Variants in SPAG16 observed in about 807,000 individuals in gnomAD.
SPAG16 encodes the protein sperm-associated antigen 16 protein.
SPAG16 carries 86 observed loss-of-function variants against 80.4 expected under a neutral mutation model. The ratio of observed to expected loss-of-function variants is 1.07; its 90% CI spans 0.90 to 1.28. SPAG16 has a LOEUF of 1.28. SPAG16 is among the 50% of genes most tolerant of loss of function. SPAG16 has a pLI of 0.00. For synonymous variants in SPAG16, 294 were observed against 265.9 expected (o/e 1.11, Z -1.03); for missense variants, 870 against 765.3 (o/e 1.14, Z -1.61).
chr2:214,186,772 T>C (rs190977790), intron 15 of SPAG16, among the ~76,000 whole-genome samples: 63 of 152,228 alleles, frequency 4.1e-4, no homozygotes, highest in Middle Eastern at 3.4e-3. Context: ...TTTTTGTTTT[T>C]TTTTTGAAAT....
At chr2:213,460,196 T>C (rs2072280988) in intron 9 of SPAG16, among the ~76,000 whole-genome samples, 1 of 152,210 alleles carries the variant, frequency 6.6e-6, no homozygotes, top group Non-Finnish European at 1.5e-5. Context: ...CCATACTCTG[T>C]CTGTAAAGAT....
intron 10 of SPAG16, among the ~76,000 whole-genome samples, chr2:213,610,449 A>C (rs1454146586): frequency 6.6e-6 from 1 of 152,196 alleles, no homozygotes; most frequent in Non-Finnish European, 1.5e-5. Context: ...TTTCGTCTAC[A>C]TAACCAGACC....
intron 15 of SPAG16, among the ~76,000 whole-genome samples, chr2:214,207,894 T>C (rs979702054): frequency 1.3e-5 from 2 of 152,244 alleles, no homozygotes; most frequent in African/African-American, 4.8e-5. Context: ...CTCTAGGTTC[T>C]TCAACCTTTA....
At chr2:214,089,498 C>A (rs1576141571) in intron 13 of SPAG16, among the ~76,000 whole-genome samples, 1 of 151,972 alleles carries the variant, frequency 6.6e-6, no homozygotes, top group East Asian at 1.9e-4. Context: ...CAGGTTTTCA[C>A]AATACATGCT....
chr2:214,002,399 T>C (rs1024528833), intron 12 of SPAG16, among the ~76,000 whole-genome samples: 1 of 152,228 alleles, frequency 6.6e-6, no homozygotes, highest in Middle Eastern at 3.4e-3. Context: ...ATGGATAAAA[T>C]GATTAGATAA....
At chr2:214,298,643 G>C (rs1020881530) in intron 15 of SPAG16, among the ~76,000 whole-genome samples, 23 of 152,134 alleles carry the variant, frequency 1.5e-4, no homozygotes, top group Admixed American at 1.5e-3. Flanking sequence ...CAAGAAAATG[G>C]GCTGAAGGGT....
chr2:213,815,159 A>G (rs1001009925), intron 10 of SPAG16, among the ~76,000 whole-genome samples: 5 of 152,212 alleles, frequency 3.3e-5, no homozygotes, highest in African/African-American at 1.2e-4. Flanking sequence ...AAAAGATTGA[A>G]ACAACTGAAA....
intron 10 of SPAG16, among the ~76,000 whole-genome samples, chr2:213,777,561 A>G (rs932430638): frequency 1.3e-5 from 2 of 151,884 alleles, no homozygotes; most frequent in African/African-American, 4.8e-5. Context: ...GCCCGCCTCC[A>G]CGCCTGGCTA....
At chr2:213,795,402 C>A (rs2070961544) in intron 10 of SPAG16, among the ~76,000 whole-genome samples, 1 of 152,094 alleles carries the variant, frequency 6.6e-6, no homozygotes, top group Non-Finnish European at 1.5e-5. Context: ...TTATGTCTTC[C>A]CATCAGTGGC....
chr2:213,766,253 G>A (rs1344499959), intron 10 of SPAG16, among the ~76,000 whole-genome samples: 1 of 152,166 alleles, frequency 6.6e-6, no homozygotes, highest in African/African-American at 2.4e-5. Flanking sequence ...CAGGAGAAAG[G>A]GAGTGACTGT....
intron 12 of SPAG16, among the ~76,000 whole-genome samples, chr2:213,941,577 G>T (rs1340112540): frequency 6.6e-6 from 1 of 152,028 alleles, no homozygotes; most frequent in Non-Finnish European, 1.5e-5. Flanking sequence ...AATGAGCTTG[G>T]AACATACTGG....
chr2:214,141,288 GA>G (rs1395407078), intron 14 of SPAG16, among the ~76,000 whole-genome samples: 1 of 151,918 alleles, frequency 6.6e-6, no homozygotes, highest in Non-Finnish European at 1.5e-5. Flanking sequence ...CCAACATGGT[GA>G]AACTCCGTCT....
chr2:213,868,436 G>A (rs1358364342), intron 11 of SPAG16, among the ~76,000 whole-genome samples: 1 of 151,532 alleles, frequency 6.6e-6, no homozygotes, highest in East Asian at 1.9e-4. Flanking sequence ...ACCAGCTTTG[G>A]GCAACAAAAA....
At chr2:213,623,559 G>A (rs182156426) in intron 10 of SPAG16, among the ~76,000 whole-genome samples, 5 of 151,898 alleles carry the variant, frequency 3.3e-5, no homozygotes, top group African/African-American at 1.2e-4. Context: ...CTTTCTACCT[G>A]GCATTTAAAC....
At chr2:213,686,674 CTTTTTTTTTTTTTT>C (rs748200040) in intron 10 of SPAG16, among the ~76,000 whole-genome samples, 2 of 86,106 alleles carry the variant, frequency 2.3e-5, no homozygotes, top group Non-Finnish European at 4.9e-5. Context: ...ATTAATCCAC[CTTTTTTTTTTTTTT>C]TTTTTTTTTT....
intron 15 of SPAG16, among the ~76,000 whole-genome samples, chr2:214,404,492 A>C (rs1488498637): frequency 6.6e-6 from 1 of 152,208 alleles, no homozygotes; most frequent in African/African-American, 2.4e-5. Context: ...GATGAGGATA[A>C]CATTACTGAA....
chr2:213,989,923 G>A (rs1029264981), intron 12 of SPAG16, among the ~76,000 whole-genome samples: 2 of 151,956 alleles, frequency 1.3e-5, no homozygotes, highest in Admixed American at 6.6e-5. Flanking sequence ...AGTATATAGT[G>A]TTCATATTGC....
chr2:214,309,791 G>A (rs1192902015), intron 15 of SPAG16, among the ~76,000 whole-genome samples: 1 of 152,138 alleles, frequency 6.6e-6, no homozygotes, highest in Admixed American at 6.5e-5. Flanking sequence ...CCAAAGTGTG[G>A]CAGCTGCAGC....
Position 213,340,237 on chromosome 2 carries a change from A to G in SPAG16, c.611A>G (p.Gln204Arg), listed in dbSNP as rs544767565. Reference sequence around the variant, plus strand: ...CGAATGCATCATAAGCGAATAGTCCAGGAAAAAAACAAATTAATTAATGAC... The same window carrying G: ...CGAATGCATCATAAGCGAATAGTCCGGGAAAAAAACAAATTAATTAATGAC... ...FHRMHHKRIV[Q>R]EKNKLINDLK... is the part of the protein sequence containing the mutation. The change falls in exon 6 of 16, where the codon CAG becomes CGG. Residue 204 changes from glutamine (Q) to arginine (R), a missense_variant. By Grantham distance (43) the Gln-to-Arg change is conservative. Coordinates refer to ENST00000331683, the MANE Select transcript of SPAG16 (RefSeq NM_024532.5). 17 of 1,612,048 alleles carry G rather than the reference A, an allele frequency of 1.1e-5. No individual in the cohort carries two copies. In the South Asian group the frequency reaches 1.9e-4, roughly 18 times the overall value.
Sources: allele counts gnomAD v4.1 joint callset (sites outside exome capture counted in the v4.1 genomes callset), GRCh38; gene constraint gnomAD v4.1.1; transcripts MANE v1.5; gene names NCBI Gene and HGNC (gene_info 2026-07-23, HGNC 2026-07-21).